HMCN2: variants seen among roughly 807,000 people sequenced by gnomAD.
The protein encoded by HMCN2 is hemicentin-2.
In HMCN2, 325 loss-of-function variants were observed where a neutral mutation model predicts 377.5. The observed-to-expected ratio is 0.86, with a 90% confidence interval of 0.79 to 0.94. HMCN2 has a LOEUF of 0.94. Ranked by LOEUF, HMCN2 falls within the 40% of genes least tolerant of loss-of-function variation. The pLI is 0.00. For synonymous variants in HMCN2, 2,007 were observed against 2,046.8 expected (o/e 0.98, Z 0.53); for missense variants, 4,543 against 4,725.3 (o/e 0.96, Z 1.13).
chr9:130,346,024 G>A (rs1839372834), intron 25 of HMCN2, among the ~76,000 whole-genome samples: 1 of 152,136 alleles, frequency 6.6e-6, no homozygotes, highest in African/African-American at 2.4e-5. Context: ...CCCGCTGCCA[G>A]GGGCGGCCCT....
Position 130,433,776 on chromosome 9 carries a change from G to A in HMCN2, c.*83G>A, listed in dbSNP as rs754210617. On this transcript the variant is annotated 3_prime_UTR_variant, in exon 98 of 98. Coordinates refer to ENST00000683500, the MANE Select transcript of HMCN2 (RefSeq NM_001291815.2). ...AAGCTTGGTCCACGCCACCTGCTGT[G>A]GCAAGCGGAGCGTCATCGTCTCCCG... 8 of 1,131,004 alleles carry A rather than the reference G, an allele frequency of 7.1e-6. No homozygotes were observed. The highest frequency in any genetic ancestry group is 1.8e-5 in the South Asian group (1 of 54,974). The allele number at this position is 1,131,004 out of a possible 1,614,324, so 70.1% of individuals were successfully genotyped here.
rs754389120 is a variant in HMCN2 at position 130,349,077 on chromosome 9, C to T, written c.4249C>T (p.Arg1417Trp). 25 of 1,304,248 alleles carry T rather than the reference C, an allele frequency of 1.9e-5. No individual in the cohort carries two copies. Among genetic ancestry groups the T allele is most frequent in the Middle Eastern group, 2.1e-4 (1 of 4,696 alleles). The allele number at this position is 1,304,248 out of a possible 1,614,324, so 80.8% of individuals were successfully genotyped here. Reference sequence around the variant, plus strand: ...GGGTGATTCTGGGCTCTACTCCTGCCGGGCAGAGAACCAGGCTGGCACCGC... The same window carrying T: ...GGGTGATTCTGGGCTCTACTCCTGCTGGGCAGAGAACCAGGCTGGCACCGC... ...QEGDSGLYSCRAENQAGTAQR... is the reference protein window; with the variant it reads ...QEGDSGLYSCWAENQAGTAQR... The change falls in exon 28 of 98, where the codon CGG becomes TGG. Residue 1417 changes from arginine to tryptophan, a missense_variant. By Grantham distance (101) the Arg-to-Trp change is moderately radical. This residue lies in a region of HMCN2 where 1,032 missense variants were observed against 1,285.1 expected (regional missense o/e 0.80). Coordinates refer to ENST00000683500, the MANE Select transcript of HMCN2 (RefSeq NM_001291815.2).
Position 130,391,209 on chromosome 9 carries a change from C to T in HMCN2, c.9673C>T (p.Pro3225Ser). 1.0e-6 allele frequency: 1 copy of T among 987,958 alleles called. No homozygotes were observed. Among genetic ancestry groups the T allele is most frequent in the Non-Finnish European group, 1.2e-6 (1 of 830,268 alleles). 61.2% of individuals were successfully genotyped at this position (987,958 alleles called of 1,614,324 possible). A position where few individuals can be genotyped will look rare whatever the true frequency, so the allele number is the denominator to read the frequency against. ...KDFVVAVLVAPRIRSSGVARE... is the reference protein window; with the variant it reads ...KDFVVAVLVASRIRSSGVARE... Reference sequence around the variant, plus strand: ...TCACTGCACCCCTGCCTCAGTGGCCCCCCGGATCCGGAGCTCGGGCGTGGC... The same window carrying T: ...TCACTGCACCCCTGCCTCAGTGGCCTCCCGGATCCGGAGCTCGGGCGTGGC... Residue 3225 changes from proline to serine, a missense_variant, in exon 64 of 98, where the codon CCC (proline) becomes TCC (serine). By Grantham distance (74) the Pro-to-Ser change is moderately conservative. Around this residue, in one of 5 missense-constraint regions of HMCN2, gnomAD observed 736 missense variants for 773.2 expected, o/e 0.95. Coordinates refer to ENST00000683500, the MANE Select transcript of HMCN2 (RefSeq NM_001291815.2).
intron 54 of HMCN2, among the ~76,000 whole-genome samples, chr9:130,380,120 C>T (rs1416843829): frequency 6.6e-6 from 1 of 152,200 alleles, no homozygotes. Context: ...AGGTGATCCA[C>T]CGTCTCGGAT....
At chr9:130,295,536 C>A (rs1836080798) in intron 5 of HMCN2, 130 bp from the exon 6 acceptor site, 14 of 345,446 alleles carry the variant, frequency 4.1e-5, no homozygotes, top group South Asian at 3.0e-4. Context: ...CGAGGACCAC[C>A]AAGACCCCTT....
rs369077476 is a variant in HMCN2, at chr9:130,393,937, C to G, written c.10430C>G (p.Ser3477Trp). 1 of 1,288,792 alleles carries G rather than the reference C, an allele frequency of 7.8e-7. No individual in the cohort carries two copies. The highest frequency in any genetic ancestry group is 5.6e-5 in the East Asian group (1 of 17,998). The allele number at this position is 1,288,792 out of a possible 1,614,324, so 79.8% of individuals were successfully genotyped here. A position where few individuals can be genotyped will look rare whatever the true frequency, so the allele number is the denominator to read the frequency against. Residue 3477 changes from serine (S) to tryptophan (W), a missense_variant, in exon 68 of 98, where the codon TCG becomes TGG. Physicochemically the swap from Ser to Trp is radical, Grantham distance 177. This residue lies in a region of HMCN2 where 1,073 missense variants were observed against 1,319.5 expected (regional missense o/e 0.81). Coordinates refer to ENST00000683500, the MANE Select transcript of HMCN2 (RefSeq NM_001291815.2). This position sits in a 1 kb window ranked among gnomAD's most constrained non-coding sequence, Gnocchi z 5.2. ...CTGGAGGCAGTGGGAGCTGGTGACTCGGGGACCTACTCCTGTGTGGCCGTG... is the reference window on the plus strand; with the variant it reads ...CTGGAGGCAGTGGGAGCTGGTGACTGGGGGACCTACTCCTGTGTGGCCGTG... ...LQLEAVGAGD[S>W]GTYSCVAVSE...
In HMCN2 at chr9:130,395,727, G is replaced by A. The variant is rs576559343; in HGVS notation, c.10912-197G>A. Among the ~76,000 whole-genome samples, 4 of 152,318 alleles carry A rather than the reference G, an allele frequency of 2.6e-5. No homozygotes were observed. In the South Asian group the frequency reaches 6.2e-4, roughly 24 times the overall value. On this transcript the variant is annotated intron_variant, in intron 71 of 97. Transcript: ENST00000683500. ...TGTTCTGACAGGAACTCCAGAGAAA[G>A]GGGATGCATTTCCTCCCAGAGGAGT...
chr9:130,296,736 C>T lies in HMCN2; in HGVS notation c.954C>T (p.Ala318=), dbSNP rs1836182164. The change falls in exon 7 of 98, where the codon GCC becomes GCT. Residue 318 remains alanine (A), a synonymous_variant. Coordinates refer to ENST00000683500, the MANE Select transcript of HMCN2 (RefSeq NM_001291815.2). ...GCGTCAGCAACATTGACTTCCGAGC[C>T]GGCTTCTCCACTCAGCCCTTGCTGG... ...ITGVSNIDFR[A]GFSTQPLLDL... 3 of 471,042 alleles carry T rather than the reference C, an allele frequency of 6.4e-6. No homozygotes were observed. The highest frequency in any genetic ancestry group is 1.5e-5 in the South Asian group (1 of 64,574). The allele number at this position is 471,042 out of a possible 1,614,324, so 29.2% of individuals were successfully genotyped here. A position where few individuals can be genotyped will look rare whatever the true frequency, so the allele number is the denominator to read the frequency against.
Position 130,394,187 on chromosome 9 carries a change from G to C in HMCN2, c.10501+179G>C, listed in dbSNP as rs1361185432. On this transcript the variant is annotated intron_variant, in intron 68 of 97. Coordinates refer to ENST00000683500, the MANE Select transcript of HMCN2 (RefSeq NM_001291815.2). This position sits in a 1 kb window ranked among gnomAD's most constrained non-coding sequence, Gnocchi z 5.1. ...TGCCTCTCTCACCTTCCTTGCCTGC[G>C]GGGAGTGGGTGGCCGGGCTTTGATT... Among the ~76,000 whole-genome samples, 1 of 152,160 alleles carries C rather than the reference G, an allele frequency of 6.6e-6. No individual in the cohort carries two copies. Among genetic ancestry groups the C allele is most frequent in the South Asian group, 2.1e-4 (1 of 4,830 alleles).
chr9:130,288,229 C>T lies in HMCN2; in HGVS notation c.612+1919C>T, dbSNP rs530761882. Among the ~76,000 whole-genome samples, 13 of 152,310 alleles carry T rather than the reference C, an allele frequency of 8.5e-5. No homozygotes were observed. The South Asian group carries it at 2.7e-3, about 32-fold the overall frequency. ...AGGCTGGGCTGTCCTAAGCCTCTTC[C>T]TTGAGGCTGGGAACCTGGGCAAATC... On this transcript the variant is annotated intron_variant, in intron 4 of 97. Coordinates refer to ENST00000683500, the MANE Select transcript of HMCN2 (RefSeq NM_001291815.2).
chr9:130,427,675 G>A (rs1844466711), intron 92 of HMCN2, 56 bp downstream of exon 92: 3 of 1,503,966 alleles, frequency 2.0e-6, no homozygotes, highest in East Asian at 2.5e-5. Context: ...TGACCCAGGT[G>A]TGCAGAAGGG....
chr9:130,424,464 G>A (rs1844211104), intron 87 of HMCN2, among the ~76,000 whole-genome samples: 3 of 151,632 alleles, frequency 2.0e-5, no homozygotes, highest in Non-Finnish European at 4.4e-5. Context: ...GGGATTACAG[G>A]CATGAGCCAC....
chr9:130,426,785 A>G lies in HMCN2; in HGVS notation c.13880-528A>G, dbSNP rs556021773. On this transcript the variant is annotated intron_variant, in intron 90 of 97. Coordinates refer to ENST00000683500, the MANE Select transcript of HMCN2 (RefSeq NM_001291815.2). ...ATTTTTTTTTTTTTTTTAGCTCATC[A>G]GCTATCCTTAGTGTTGGTGTATTTT... Among the ~76,000 whole-genome samples, 9 of 146,126 alleles carry G rather than the reference A, an allele frequency of 6.2e-5. No homozygotes were observed. In the East Asian group the frequency reaches 1.8e-3, roughly 29 times the overall value.
intron 61 of HMCN2, 92 bp downstream of exon 61, chr9:130,386,616 G>A: frequency 1.3e-6 from 1 of 768,220 alleles, no homozygotes; most frequent in Non-Finnish European, 1.9e-6. Flanking sequence ...GCTGGGCAGA[G>A]GCAGTGCTGC....
At chr9:130,359,582 G>A (rs1038895643) in intron 37 of HMCN2, among the ~76,000 whole-genome samples, 168 bp downstream of exon 37, 6 of 152,078 alleles carry the variant, frequency 3.9e-5, no homozygotes, top group Admixed American at 6.5e-5. Flanking sequence ...AATGTCCTTC[G>A]GGCCAAGGCC....
intron 54 of HMCN2, among the ~76,000 whole-genome samples, chr9:130,381,502 A>G (rs1740779787): frequency 6.6e-6 from 1 of 152,072 alleles, no homozygotes; most frequent in Admixed American, 6.5e-5. Context: ...CTGAGTAGCT[A>G]GGATTGCAGG....
At position 130,382,222 on chromosome 9, in the gene HMCN2, A is replaced by C; in HGVS notation, c.8470A>C (p.Asn2824His). ...GCAGATCCCCCTGGTGCGGGCAGAGAACGCCGGGAGGTACTCGTGCAAGGC... is the reference window on the plus strand; with the variant it reads ...GCAGATCCCCCTGGTGCGGGCAGAGCACGCCGGGAGGTACTCGTGCAAGGC... ...VLQIPLVRAE[N>H]AGRYSCKASN... The change falls in exon 55 of 98, where the codon AAC becomes CAC. Residue 2824 changes from asparagine to histidine, a missense_variant. Physicochemically the swap from Asn to His is moderately conservative, Grantham distance 68 (BLOSUM62 1). This residue lies in a region of HMCN2 where 736 missense variants were observed against 773.2 expected (regional missense o/e 0.95). Transcript: ENST00000683500. 1 of 985,750 alleles carries C rather than the reference A, an allele frequency of 1.0e-6. No individual in the cohort carries two copies. The highest frequency in any genetic ancestry group is 4.7e-5 in the South Asian group (1 of 21,272). 61.1% of individuals were successfully genotyped at this position (985,750 alleles called of 1,614,324 possible). A position where few individuals can be genotyped will look rare whatever the true frequency, so the allele number is the denominator to read the frequency against.
At chr9:130,338,937 C>G (rs1838904527) in intron 23 of HMCN2, among the ~76,000 whole-genome samples, 1 of 152,172 alleles carries the variant, frequency 6.6e-6, no homozygotes, top group Admixed American at 6.5e-5. Context: ...GCCTGTAATA[C>G]CAGTACTTTG....
intron 77 of HMCN2, 100 bp downstream of exon 77, chr9:130,401,047 T>C: frequency 9.3e-7 from 1 of 1,079,096 alleles, no homozygotes; most frequent in Non-Finnish European, 1.2e-6. Flanking sequence ...TGGAACTATC[T>C]GGCCTGGCAC....
Sources: gnomAD v4.1 joint callset for allele counts (sites outside exome capture counted in the v4.1 genomes callset) on GRCh38, gnomAD v4.1.1 for gene constraint, gnomAD v4.1.1 regional missense constraint, Gnocchi (gnomAD v3.1) non-coding constraint, MANE v1.5 for transcripts, NCBI Gene and HGNC (gene_info 2026-07-23, HGNC 2026-07-21) for gene names.